The following ZFAT variants were observed in gnomAD, a reference collection of about 807,000 sequenced individuals.
ZFAT encodes zinc finger and AT-hook domain containing.
In ZFAT, 64 loss-of-function variants were observed where a neutral mutation model predicts 117.7. The ratio of observed to expected loss-of-function variants is 0.54; its 90% CI spans 0.44 to 0.67. ZFAT has a LOEUF of 0.67. Ranked by LOEUF, ZFAT falls within the 30% of genes least tolerant of loss-of-function variation. ZFAT has a pLI of 0.00. For synonymous variants in ZFAT, 679 were observed against 615.0 expected (o/e 1.10, Z -1.54); for missense variants, 1,433 against 1,584.5 (o/e 0.90, Z 1.62).
intron 3 of ZFAT, among the ~76,000 whole-genome samples, chr8:134,611,518 T>C (rs1828329352): frequency 6.6e-6 from 1 of 152,154 alleles, no homozygotes; most frequent in South Asian, 2.1e-4. Flanking sequence ...GACTGGAACC[T>C]TCCTTTGGGG....
At chr8:134,493,661 A>G (rs1334956493) in intron 15 of ZFAT, among the ~76,000 whole-genome samples, 1 of 152,250 alleles carries the variant, frequency 6.6e-6, no homozygotes, top group African/African-American at 2.4e-5. Flanking sequence ...AGTGCCTGGC[A>G]CAGGGCAGGT....
chr8:134,559,539 G>A (rs114335987), intron 11 of ZFAT, among the ~76,000 whole-genome samples: 1 of 152,286 alleles, frequency 6.6e-6, no homozygotes, highest in African/African-American at 2.4e-5. Context: ...TATATCTGTA[G>A]GATAAAATCT....
chr8:134,793,885 CACAA>C, the ZFAT span: 1 of 152,154 alleles, frequency 6.6e-6, no homozygotes, highest in Non-Finnish European at 1.5e-5. Flanking sequence ...TACCGACATG[CACAA>C]ACACACAATA....
intron 2 of ZFAT, chr8:134,639,830 C>T (rs1415269383): frequency 4.4e-6 from 2 of 455,402 alleles, no homozygotes; most frequent in Middle Eastern, 3.2e-4. Flanking sequence ...TTACTGAAGC[C>T]TGCGGCCCAG....
Position 134,600,655 on chromosome 8 carries a change from C to A in ZFAT, c.2256G>T (p.Trp752Cys). ...CATGCATATCAAAATGCACTTGGTACCAAAAAAGTTTGCCTAAAAAAATAT... is the reference window on the plus strand; with the variant it reads ...CATGCATATCAAAATGCACTTGGTAACAAAAAAGTTTGCCTAAAAAAATAT... ...LECEYCGKLF[W>C]YQVHFDMHVR... The change falls in exon 7 of 16, where the codon TGG becomes TGT. Residue 752 changes from tryptophan (W) to cysteine (C), a missense_variant. By Grantham distance (215) the Trp-to-Cys change is radical. Transcript: ENST00000377838. 1 of 1,575,116 alleles carries A rather than the reference C, an allele frequency of 6.3e-7. No individual in the cohort carries two copies. Among genetic ancestry groups the A allele is most frequent in the African/African-American group, 1.4e-5 (1 of 73,306 alleles).
intron 10 of ZFAT, among the ~76,000 whole-genome samples, chr8:134,579,469 CT>C (rs768407180): frequency 1.1e-4 from 16 of 152,162 alleles, no homozygotes; most frequent in Non-Finnish European, 2.1e-4. Flanking sequence ...AGACTTACCC[CT>C]AGCACGAGAA....
chr8:134,727,595 T>C, the ZFAT span, among the ~76,000 whole-genome samples: 101 of 152,328 alleles, frequency 6.6e-4, no homozygotes, highest in Middle Eastern at 3.4e-3. Context: ...ATTTTACACG[T>C]CAAGCCAGTT....
At chr8:134,800,451 T>G in the ZFAT span, 1 of 449,518 alleles carries the variant, frequency 2.2e-6, no homozygotes, top group Non-Finnish European at 4.5e-6. Flanking sequence ...TTACATTAAT[T>G]ACATTAAAAA....
chr8:134,707,413 G>C (rs1715297740), intron 1 of ZFAT, among the ~76,000 whole-genome samples: 1 of 152,034 alleles, frequency 6.6e-6, no homozygotes, highest in South Asian at 2.1e-4. Flanking sequence ...GTAAACTGAT[G>C]ACCAGCCTAA....
At chr8:134,826,900 T>C in the ZFAT span, among the ~76,000 whole-genome samples, 1 of 152,142 alleles carries the variant, frequency 6.6e-6, no homozygotes, top group African/African-American at 2.4e-5. Flanking sequence ...ATTGACGCTA[T>C]AGGTAAGATG....
the ZFAT span, among the ~76,000 whole-genome samples, chr8:134,751,801 G>A: frequency 6.6e-6 from 1 of 152,022 alleles, no homozygotes. Flanking sequence ...AAGAGAGAGA[G>A]AAGTAGCATG....
the ZFAT span, among the ~76,000 whole-genome samples, chr8:134,790,469 AG>A: frequency 6.6e-6 from 1 of 152,152 alleles, no homozygotes; most frequent in Non-Finnish European, 1.5e-5. Context: ...CGTAGCCGTT[AG>A]GGGGTAATTT....
intron 3 of ZFAT, among the ~76,000 whole-genome samples, chr8:134,611,786 T>C (rs1563675063): frequency 6.6e-6 from 1 of 152,214 alleles, no homozygotes; most frequent in Admixed American, 6.5e-5. Context: ...TGGAAGGCCA[T>C]GGAGAGCCAC....
At chr8:134,512,030 T>A (rs983644036) in intron 14 of ZFAT, among the ~76,000 whole-genome samples, 4 of 152,188 alleles carry the variant, frequency 2.6e-5, no homozygotes, top group African/African-American at 9.6e-5. Flanking sequence ...TGGAATGGGA[T>A]GATGCCGTGA....
At chr8:134,812,808 G>A in the ZFAT span, among the ~76,000 whole-genome samples, 1 of 152,202 alleles carries the variant, frequency 6.6e-6, no homozygotes, top group Non-Finnish European at 1.5e-5. Flanking sequence ...TACTATCTCT[G>A]AGGCAATGTT....
intron 1 of ZFAT, among the ~76,000 whole-genome samples, chr8:134,706,090 G>C (rs1312093471): frequency 6.6e-6 from 1 of 152,122 alleles, no homozygotes; most frequent in Non-Finnish European, 1.5e-5. Flanking sequence ...AACTACTCTG[G>C]AAAGCTATTT....
chr8:134,546,374 C>G (rs1822694437), intron 11 of ZFAT, among the ~76,000 whole-genome samples: 1 of 152,142 alleles, frequency 6.6e-6, no homozygotes, highest in Non-Finnish European at 1.5e-5. Flanking sequence ...GGAAATGCGA[C>G]AGGAAGATGA....
At chr8:134,727,159 A>G in the ZFAT span, among the ~76,000 whole-genome samples, 1 of 152,042 alleles carries the variant, frequency 6.6e-6, no homozygotes, top group African/African-American at 2.4e-5. Flanking sequence ...AACAAGGAGT[A>G]ATGTTTTCTA....
chr8:134,677,568 A>T (rs1274351637), intron 1 of ZFAT, among the ~76,000 whole-genome samples: 1 of 152,206 alleles, frequency 6.6e-6, no homozygotes, highest in South Asian at 2.1e-4. Flanking sequence ...ACAGAAAAAG[A>T]GGGAATCCTC....
Sources: allele counts gnomAD v4.1 joint callset (sites outside exome capture counted in the v4.1 genomes callset), GRCh38; gene constraint gnomAD v4.1.1; transcripts MANE v1.5; gene names NCBI Gene and HGNC (gene_info 2026-07-23, HGNC 2026-07-21).